Variants in ABCB4 observed in about 807,000 individuals in gnomAD.
ABCB4 encodes the protein phosphatidylcholine translocator ABCB4.
A neutral mutation model predicts 145.7 loss-of-function variants in ABCB4; 76 were observed. That is an observed-to-expected ratio of 0.52 (90% CI 0.43 to 0.63). The LOEUF is 0.63. Among genes scored for constraint, ABCB4 ranks in the 30% least tolerant of loss-of-function variants. The pLI, the probability that ABCB4 is intolerant of heterozygous loss-of-function variation, is 0.00. For synonymous variants in ABCB4, 517 were observed against 566.8 expected, an observed-to-expected ratio of 0.91 and a Z score of 1.25; for missense variants, 1,234 against 1,553.1, an observed-to-expected ratio of 0.79 and a Z score of 3.45.
rs1305249819 is a variant in ABCB4, at chr7:87,450,016, G to A, written c.785C>T (p.Ala262Val). 6.2e-7 allele frequency: 1 copy of A among 1,613,966 alleles called. No individual in the cohort carries two copies. Among genetic ancestry groups the A allele is most frequent in the Non-Finnish European group, 8.5e-7 (1 of 1,180,012 alleles). The change falls in exon 8 of 28, where the codon GCC becomes GTC. Residue 262 changes from alanine to valine, a missense_variant. Ala to Val is a moderately conservative substitution (Grantham distance 64, BLOSUM62 0). This residue lies in a region of ABCB4 where 467 missense variants were observed against 632.8 expected (regional missense o/e 0.74). Coordinates refer to ENST00000649586, the MANE Select transcript of ABCB4 (RefSeq NM_000443.4). ...AGAVAEEALG[A>V]IRTVIAFGGQ... The stretch of plus-strand genomic sequence containing the variant: ...CCCGAAAGCTATCACAGTCCTGATG[G>A]CCCCCAGAGCCTCTTCTGCCACGGC...
chr7:87,475,247 GA>G (rs1813716845), intron 2 of ABCB4, 138 bp downstream of exon 2: 5 of 980,210 alleles, frequency 5.1e-6, no homozygotes, highest in Non-Finnish European at 8.0e-6. Context: ...GTCAGAACCG[GA>G]TGCAAGACCC....
At chr7:87,410,790 G>A (rs1808566131) in intron 23 of ABCB4, among the ~76,000 whole-genome samples, 1 of 152,146 alleles carries the variant, frequency 6.6e-6, no homozygotes, top group South Asian at 2.1e-4. Flanking sequence ...GCCAATGGAA[G>A]GCACAGCAGA....
At chr7:87,382,307 ATT>A in the ABCB4 span, 7 of 1,442,764 alleles carry the variant, frequency 4.9e-6, no homozygotes, top group Non-Finnish European at 6.7e-6. Context: ...AACACCTTTA[ATT>A]CTTTATGTCT....
chr7:87,465,872 A>G (rs1483654316), intron 3 of ABCB4, among the ~76,000 whole-genome samples: 1 of 152,236 alleles, frequency 6.6e-6, no homozygotes, highest in Non-Finnish European at 1.5e-5. Context: ...ACAAACAGAA[A>G]GGACATCCAC....
At chr7:87,378,515 TC>T in the ABCB4 span, among the ~76,000 whole-genome samples, 1 of 152,190 alleles carries the variant, frequency 6.6e-6, no homozygotes, top group African/African-American at 2.4e-5. Flanking sequence ...TAGAAATCTC[TC>T]CCCATTTTTT....
downstream of ABCB4, among the ~76,000 whole-genome samples, chr7:87,400,747 T>C (rs1018251780): frequency 6.6e-6 from 1 of 152,268 alleles, no homozygotes; most frequent in Non-Finnish European, 1.5e-5. Flanking sequence ...TTTCTGGACT[T>C]GGGATGCTCA....
At chr7:87,406,068 G>A in intron 26 of ABCB4, 1 of 597,398 alleles carries the variant, frequency 1.7e-6, no homozygotes, top group South Asian at 2.0e-5. Flanking sequence ...TCTGTAACCT[G>A]AAGTATGGTG....
intron 27 of ABCB4, among the ~76,000 whole-genome samples, chr7:87,402,570 CTT>C (rs555583327): frequency 5.9e-5 from 9 of 152,266 alleles, no homozygotes; most frequent in Non-Finnish European, 1.3e-4. Context: ...AACTAGTTCC[CTT>C]TTGAGTATTT....
chr7:87,384,405 A>G, the ABCB4 span, among the ~76,000 whole-genome samples: 1 of 152,092 alleles, frequency 6.6e-6, no homozygotes, highest in Non-Finnish European at 1.5e-5. Context: ...AGGGGCACAT[A>G]TCTGTACCTC....
intron 23 of ABCB4, among the ~76,000 whole-genome samples, chr7:87,411,313 C>T (rs31659): frequency 0.88 from 133,986 of 152,064 alleles, 59,188 homozygotes; most frequent in Middle Eastern, 0.94. Flanking sequence ...CTTTCAAGCC[C>T]AGATTGCAAC....
intron 26 of ABCB4, 120 bp from the exon 27 acceptor site, chr7:87,403,401 CAG>C (rs1175170394): frequency 2.0e-5 from 19 of 942,174 alleles, no homozygotes; most frequent in Middle Eastern, 3.4e-4. Flanking sequence ...TTCAACTTAA[CAG>C]AGTGTTTATT....
intron 17 of ABCB4, chr7:87,423,647 C>G: frequency 2.1e-6 from 1 of 469,818 alleles, no homozygotes; most frequent in South Asian, 2.1e-5. Context: ...ACACCAGTTT[C>G]ACCAAATGAA....
chr7:87,388,949 A>G, the ABCB4 span, among the ~76,000 whole-genome samples: 1 of 152,342 alleles, frequency 6.6e-6, no homozygotes, highest in South Asian at 2.1e-4. Flanking sequence ...AACCCCATCA[A>G]AAAGTGGGCA....
At position 87,447,229 on chromosome 7, in the gene ABCB4, A is replaced by G. The variant is rs748953871; in HGVS notation, c.834-24T>C. 3.2e-5 allele frequency: 52 copies of G among 1,604,754 alleles called. No individual in the cohort carries two copies. The East Asian group carries it at 1.1e-3, about 34-fold the overall frequency. ...ACCTACCAGAAAAATGAGAGGGAAA[A>G]CATTATAATTAAGAATAACAATCCA... On this transcript the variant is annotated intron_variant, in intron 8 of 27. Coordinates refer to ENST00000649586, the MANE Select transcript of ABCB4 (RefSeq NM_000443.4).
chr7:87,418,515 A>G (rs1809156346), intron 20 of ABCB4, 22 bp downstream of exon 20: 1 of 1,609,544 alleles, frequency 6.2e-7, no homozygotes, highest in African/African-American at 1.3e-5. Flanking sequence ...AAAAAACTAC[A>G]AGTAGAGTGC....
intron 23 of ABCB4, 107 bp downstream of exon 23, chr7:87,411,786 G>A: frequency 9.8e-7 from 1 of 1,021,756 alleles, no homozygotes; most frequent in South Asian, 1.4e-5. Flanking sequence ...TTAAATCCCT[G>A]ACCTCATCTT....
At chr7:87,430,937 C>A (rs960691120) in intron 15 of ABCB4, among the ~76,000 whole-genome samples, 3 of 152,186 alleles carry the variant, frequency 2.0e-5, no homozygotes, top group Non-Finnish European at 4.4e-5. Flanking sequence ...AGACCTCCCT[C>A]AACCACTAGA....
chr7:87,465,680 C>T (rs1450866123), intron 3 of ABCB4, among the ~76,000 whole-genome samples: 1 of 152,110 alleles, frequency 6.6e-6, no homozygotes, highest in African/African-American at 2.4e-5. Flanking sequence ...CTCACATGGC[C>T]GGGCAGCCCT....
intron 20 of ABCB4, 90 bp downstream of exon 20, chr7:87,418,447 C>T (rs890711059): frequency 6.7e-6 from 8 of 1,198,650 alleles, no homozygotes; most frequent in Non-Finnish European, 9.9e-6. Context: ...CTATTTCTAG[C>T]TGGAAGCATC....
Sources: gnomAD v4.1 joint callset for allele counts (sites outside exome capture counted in the v4.1 genomes callset) on GRCh38, gnomAD v4.1.1 for gene constraint, gnomAD v4.1.1 regional missense constraint, MANE v1.5 for transcripts, NCBI Gene and HGNC (gene_info 2026-07-23, HGNC 2026-07-21) for gene names.